The following PCDHA7 variants were observed in gnomAD, a reference collection of about 807,000 sequenced individuals.
PCDHA7 encodes protocadherin alpha 7.
A neutral mutation model predicts 57.2 loss-of-function variants in PCDHA7; 37 were observed. That is an observed-to-expected ratio of 0.65 (90% CI 0.50 to 0.85). The LOEUF (loss-of-function observed/expected upper bound fraction) is 0.85. Ranked by LOEUF, PCDHA7 falls within the 40% of genes least tolerant of loss-of-function variation. The pLI, the probability that PCDHA7 is intolerant of heterozygous loss-of-function variation, is 0.00. For synonymous variants in PCDHA7, 553 were observed against 558.8 expected (o/e 0.99, Z 0.15); for missense variants, 1,188 against 1,241.8 (o/e 0.96, Z 0.65).
chr5:140,884,386 G>T (rs372595984), intron 1 of PCDHA7: 2 of 1,613,986 alleles, frequency 1.2e-6, no homozygotes, highest in African/African-American at 2.7e-5. Flanking sequence ...CCATCTGCGC[G>T]GTGTCCAGCC....
chr5:140,848,883 C>G, intron 1 of PCDHA7: 1 of 1,591,194 alleles, frequency 6.3e-7, no homozygotes, highest in Non-Finnish European at 8.6e-7. Context: ...TAACGACAAC[C>G]CTCCAGTGTT....
chr5:140,981,862 T>C (rs1160188291), intron 2 of PCDHA7, among the ~76,000 whole-genome samples: 1 of 152,212 alleles, frequency 6.6e-6, no homozygotes, highest in African/African-American at 2.4e-5. Flanking sequence ...CTCCCAGCAA[T>C]GTTTTATGCT....
At chr5:140,916,070 G>A (rs1554197282) in intron 1 of PCDHA7, among the ~76,000 whole-genome samples, 1 of 152,130 alleles carries the variant, frequency 6.6e-6, no homozygotes, top group Non-Finnish European at 1.5e-5. Flanking sequence ...CCTGTGGCCA[G>A]TACTACCACT....
intron 1 of PCDHA7, among the ~76,000 whole-genome samples, chr5:140,936,995 A>G (rs2091251299): frequency 6.6e-6 from 1 of 151,864 alleles, no homozygotes; most frequent in Non-Finnish European, 1.5e-5. Flanking sequence ...CATTGACAAT[A>G]TTGAGACAGA....
At chr5:140,919,858 T>C (rs1392372108) in intron 1 of PCDHA7, among the ~76,000 whole-genome samples, 1 of 152,246 alleles carries the variant, frequency 6.6e-6, no homozygotes, top group Non-Finnish European at 1.5e-5. Flanking sequence ...TGACCTCATT[T>C]GGAAATAAGT....
chr5:140,904,939 T>G (rs1418494936), intron 1 of PCDHA7, among the ~76,000 whole-genome samples: 3 of 152,254 alleles, frequency 2.0e-5, no homozygotes, highest in Admixed American at 2.0e-4. Flanking sequence ...TTCTGGATAT[T>G]AGTCCTTTGT....
chr5:140,979,303 C>T (rs1048294748), intron 2 of PCDHA7, among the ~76,000 whole-genome samples: 5 of 152,148 alleles, frequency 3.3e-5, no homozygotes, highest in East Asian at 3.8e-4. Context: ...CTCCTTCATC[C>T]CTCTCTACCT....
In PCDHA7 at chr5:140,977,999, G is replaced by A. The variant is rs1185111218; in HGVS notation, c.2356-950G>A. Among the ~76,000 whole-genome samples the A allele has an allele frequency of 1.3e-5, 2 of 152,132 alleles. 1 individual carries two copies. The highest frequency in any genetic ancestry group is 4.8e-5 in the African/African-American group (2 of 41,406). ...AAACGCATCTAGAGGAGTGTCACAA[G>A]TTTTTCACAGTGACATTTTTGCTTA... On this transcript the variant is annotated intron_variant, in intron 1 of 3. Coordinates refer to ENST00000525929, the MANE Select transcript of PCDHA7 (RefSeq NM_018910.3).
intron 1 of PCDHA7, among the ~76,000 whole-genome samples, chr5:140,840,357 T>G (rs1554137775): frequency 6.6e-6 from 1 of 151,884 alleles, no homozygotes; most frequent in Non-Finnish European, 1.5e-5. Flanking sequence ...CAGGTAAAAA[T>G]GTCAGGTAGA....
At chr5:140,842,469 G>A in intron 1 of PCDHA7, 3 of 1,613,864 alleles carry the variant, frequency 1.9e-6, no homozygotes, top group Non-Finnish European at 2.5e-6. Context: ...GGTGCCAACG[G>A]GCAGGTGACC....
chr5:140,850,243 G>T lies in PCDHA7; in HGVS notation c.2355+13505G>T, dbSNP rs2150475215. 2 of 1,593,880 alleles carry T rather than the reference G, an allele frequency of 1.3e-6. No homozygotes were observed. The highest frequency in any genetic ancestry group is 1.3e-5 in the African/African-American group (1 of 74,400). ...GGCGCAGTGAGCGAGATGGTGCTGC[G>T]GTCGGTGGGCGCCGGCGTAGTGGTG... On this transcript the variant is annotated intron_variant, in intron 1 of 3. Transcript: ENST00000525929.
intron 1 of PCDHA7, among the ~76,000 whole-genome samples, chr5:140,926,200 G>A (rs1050721250): frequency 6.6e-6 from 1 of 151,674 alleles, no homozygotes; most frequent in Non-Finnish European, 1.5e-5. Context: ...ACTTCTTTCG[G>A]GGGGCTCCTG....
chr5:140,923,183 C>G (rs2081208346), intron 1 of PCDHA7, among the ~76,000 whole-genome samples: 2 of 152,206 alleles, frequency 1.3e-5, no homozygotes, highest in South Asian at 4.1e-4. Context: ...TCAGATGCAT[C>G]TACTGCAGCA....
chr5:140,878,313 AT>A (rs2057535405), intron 1 of PCDHA7, among the ~76,000 whole-genome samples: 1 of 152,186 alleles, frequency 6.6e-6, no homozygotes, highest in Non-Finnish European at 1.5e-5. Flanking sequence ...CAATCTAGAC[AT>A]TTTCACATTA....
At chr5:140,876,759 TG>T (rs2056563971) in intron 1 of PCDHA7, 10 of 1,614,028 alleles carry the variant, frequency 6.2e-6, no homozygotes, top group African/African-American at 2.7e-5. Context: ...CTGCGCGGGA[TG>T]GGGGCTCGCC....
chr5:140,971,401 G>A (rs2096476846), intron 1 of PCDHA7, among the ~76,000 whole-genome samples: 1 of 152,164 alleles, frequency 6.6e-6, no homozygotes, highest in Admixed American at 6.5e-5. Context: ...ATTTCTGCCA[G>A]GCACTTTTGG....
At chr5:140,885,297 T>G (rs565705321) in intron 1 of PCDHA7, among the ~76,000 whole-genome samples, 30 of 152,302 alleles carry the variant, frequency 2.0e-4, no homozygotes, top group Admixed American at 5.9e-4. Context: ...GAGAGAGACC[T>G]GGTAGGCTTT....
rs142866496 is a variant in PCDHA7, at chr5:140,917,224, G to A, written c.2356-61725G>A. Among the ~76,000 whole-genome samples, 29 of 151,040 alleles carry A rather than the reference G, an allele frequency of 1.9e-4. No homozygotes were observed. In the East Asian group the frequency reaches 2.2e-3, roughly 11 times the overall value. ...TCTTCAATGCCTCTTTTAGTGATAC[G>A]TTGTTAAATCTAGGTACTACGATTG... On this transcript the variant is annotated intron_variant, in intron 1 of 3. Transcript: ENST00000525929.
At chr5:140,926,998 G>C in intron 1 of PCDHA7, 1 of 1,612,288 alleles carries the variant, frequency 6.2e-7, no homozygotes, top group Non-Finnish European at 8.5e-7. Flanking sequence ...GGGCGTAGCC[G>C]TAGGCAATCT....
Sources: gnomAD v4.1 joint callset for allele counts (sites outside exome capture counted in the v4.1 genomes callset) on GRCh38, gnomAD v4.1.1 for gene constraint, MANE v1.5 for transcripts, NCBI Gene and HGNC (gene_info 2026-07-23, HGNC 2026-07-21) for gene names.